MACROD2: variants seen among roughly 807,000 people sequenced by gnomAD.
The protein encoded by MACROD2 is ADP-ribose glycohydrolase MACROD2.
In MACROD2, 36 loss-of-function variants were observed where a neutral mutation model predicts 70.4. The observed-to-expected ratio is 0.51, with a 90% CI of 0.39 to 0.68. The LOEUF (loss-of-function observed/expected upper bound fraction) is 0.68, where lower values mean the gene tolerates loss of function less well. Ranked by LOEUF, MACROD2 falls within the 30% of genes least tolerant of loss-of-function variation. The probability of loss-of-function intolerance (pLI) is 0.00; values close to 1 mark genes in which losing one functional copy is unlikely to be tolerated. For synonymous variants in MACROD2, 172 were observed against 178.8 expected, an observed-to-expected ratio of 0.96 and a Z score of 0.30; for missense variants, 496 against 538.4, an observed-to-expected ratio of 0.92 and a Z score of 0.78.
chr20:14,373,538 C>G (rs918130237), intron 3 of MACROD2, among the ~76,000 whole-genome samples: 1 of 152,136 alleles, frequency 6.6e-6, no homozygotes, highest in African/African-American at 2.4e-5. Flanking sequence ...ATCCCTCACT[C>G]TAGCCCCTAT....
chr20:14,304,968 C>T (rs2082507274), intron 3 of MACROD2, among the ~76,000 whole-genome samples: 2 of 152,226 alleles, frequency 1.3e-5, no homozygotes, highest in South Asian at 2.1e-4. Context: ...AATTTTCAGT[C>T]TTGACTATAT....
intron 5 of MACROD2, among the ~76,000 whole-genome samples, chr20:15,217,401 T>G (rs2076820162): frequency 6.6e-6 from 1 of 152,180 alleles, no homozygotes. Flanking sequence ...ATCCTATTTT[T>G]TAGAGAGGAA....
chr20:15,298,455 G>C (rs2146121007), intron 6 of MACROD2, among the ~76,000 whole-genome samples: 1 of 152,302 alleles, frequency 6.6e-6, no homozygotes, highest in East Asian at 1.9e-4. Flanking sequence ...AAGCAAGAGA[G>C]AGAGAGACTG....
intron 4 of MACROD2, among the ~76,000 whole-genome samples, chr20:14,594,076 A>G (rs1981959960): frequency 6.6e-6 from 1 of 152,232 alleles, no homozygotes; most frequent in Non-Finnish European, 1.5e-5. Flanking sequence ...AAGTGCTGTT[A>G]AAGACATGCC....
At chr20:15,291,996 T>G (rs754159290) in intron 6 of MACROD2, among the ~76,000 whole-genome samples, 1 of 152,186 alleles carries the variant, frequency 6.6e-6, no homozygotes, top group Non-Finnish European at 1.5e-5. Context: ...CTCTTAAGTC[T>G]AAATAGATTG....
At chr20:14,081,967 G>T (rs1195977972) in intron 2 of MACROD2, among the ~76,000 whole-genome samples, 1 of 151,956 alleles carries the variant, frequency 6.6e-6, no homozygotes, top group Non-Finnish European at 1.5e-5. Context: ...CTTGAGTAAA[G>T]ACCATTTTGA....
intron 8 of MACROD2, among the ~76,000 whole-genome samples, chr20:15,861,372 G>GA (rs2064422098): frequency 6.6e-6 from 1 of 152,162 alleles, no homozygotes. Context: ...TTCACCTGGG[G>GA]AATGAGTTGA....
At chr20:14,665,028 G>C (rs1048624108) in intron 4 of MACROD2, among the ~76,000 whole-genome samples, 1 of 152,092 alleles carries the variant, frequency 6.6e-6, no homozygotes. Flanking sequence ...GATTATGCTT[G>C]CTTCAGTGGG....
intron 8 of MACROD2, among the ~76,000 whole-genome samples, chr20:15,670,263 C>T (rs534330096): frequency 1.2e-4 from 18 of 152,280 alleles, no homozygotes; most frequent in African/African-American, 4.1e-4. Context: ...GAGCTTTCAG[C>T]CATAAAGCCA....
Position 15,151,460 on chromosome 20 carries a change from A to G in MACROD2, c.419-78480A>G, listed in dbSNP as rs145256291. Among the ~76,000 whole-genome samples, 1,495 of 152,174 alleles carry G rather than the reference A, an allele frequency of 9.8e-3. 11 individuals are homozygous for G. The highest frequency in any genetic ancestry group is 0.015 in the Non-Finnish European group (992 of 68,022). On this transcript the variant is annotated intron_variant, in intron 5 of 17. Coordinates refer to ENST00000684519, the MANE Select transcript of MACROD2 (RefSeq NM_001351661.2). ...TTGGCTGTCTCTACTCTATTATTGT[A>G]CACCTTGAAGGTGAGGTTAATTAAG...
At chr20:14,727,311 A>G (rs2071541520) in intron 5 of MACROD2, among the ~76,000 whole-genome samples, 1 of 152,156 alleles carries the variant, frequency 6.6e-6, no homozygotes, top group Admixed American at 6.6e-5. Flanking sequence ...TGGATTGATC[A>G]CTTGAGCCCA....
chr20:15,056,903 A>G (rs2075490778), intron 5 of MACROD2, among the ~76,000 whole-genome samples: 1 of 152,202 alleles, frequency 6.6e-6, no homozygotes, highest in African/African-American at 2.4e-5. Flanking sequence ...GATAGTAAAA[A>G]TAAGTTGTAA....
At chr20:14,552,600 C>G (rs1978733722) in intron 4 of MACROD2, among the ~76,000 whole-genome samples, 1 of 151,864 alleles carries the variant, frequency 6.6e-6, no homozygotes, top group African/African-American at 2.4e-5. Context: ...GTGTGAACAT[C>G]ATAGAGTGAA....
At chr20:14,370,924 A>T (rs2083316420) in intron 3 of MACROD2, among the ~76,000 whole-genome samples, 1 of 152,220 alleles carries the variant, frequency 6.6e-6, no homozygotes, top group African/African-American at 2.4e-5. Flanking sequence ...AAAATTAAAT[A>T]ATTATTATTC....
At chr20:15,375,761 A>G (rs1255175246) in intron 6 of MACROD2, among the ~76,000 whole-genome samples, 1 of 152,178 alleles carries the variant, frequency 6.6e-6, no homozygotes, top group Non-Finnish European at 1.5e-5. Context: ...TTAAATTATC[A>G]TAATGCTATG....
At chr20:14,302,299 C>T (rs1411835164) in intron 3 of MACROD2, among the ~76,000 whole-genome samples, 1 of 152,208 alleles carries the variant, frequency 6.6e-6, no homozygotes, top group South Asian at 2.1e-4. Flanking sequence ...AGAGAGCCGC[C>T]TTTAGCGTCA....
chr20:14,092,594 T>A (rs1235744218), intron 3 of MACROD2, among the ~76,000 whole-genome samples: 2 of 152,230 alleles, frequency 1.3e-5, no homozygotes, highest in African/African-American at 4.8e-5. Context: ...AAAAGCTTTT[T>A]GGTATTATGC....
At chr20:14,135,990 TA>T (rs1237961386) in intron 3 of MACROD2, among the ~76,000 whole-genome samples, 1 of 152,114 alleles carries the variant, frequency 6.6e-6, no homozygotes, top group East Asian at 1.9e-4. Flanking sequence ...CTAGCCAATG[TA>T]ATAAAGGAAG....
At chr20:14,376,467 G>T (rs906227578) in intron 3 of MACROD2, among the ~76,000 whole-genome samples, 16 of 152,190 alleles carry the variant, frequency 1.1e-4, no homozygotes, top group African/African-American at 3.9e-4. Context: ...ACCCTGTGGG[G>T]ATGGGTGTAG....
Sources: allele counts gnomAD v4.1 joint callset (sites outside exome capture counted in the v4.1 genomes callset), GRCh38; gene constraint gnomAD v4.1.1; transcripts MANE v1.5; gene names NCBI Gene and HGNC (gene_info 2026-07-23, HGNC 2026-07-21).